The following TNC variants were observed in gnomAD, a reference collection of about 807,000 sequenced individuals.
The protein encoded by TNC is tenascin C.
TNC carries 109 observed loss-of-function variants against 202.4 expected under a neutral mutation model. That is an observed-to-expected ratio of 0.54 (90% CI 0.46 to 0.63). TNC has a LOEUF of 0.63. Among genes scored for constraint, TNC ranks in the 30% least tolerant of loss-of-function variants. The pLI is 0.00. For synonymous variants in TNC, 1,007 were observed against 1,089.7 expected, an observed-to-expected ratio of 0.92 and a Z score of 1.50; for missense variants, 2,756 against 2,833.3, an observed-to-expected ratio of 0.97 and a Z score of 0.62.
intron 22 of TNC, among the ~76,000 whole-genome samples, chr9:115,033,172 C>A (rs140740540): frequency 6.6e-6 from 1 of 152,160 alleles, no homozygotes; most frequent in Non-Finnish European, 1.5e-5. Context: ...ATCTTGCATG[C>A]GGGTTTCCCA....
chr9:115,024,894 A>C (rs7035322), intron 26 of TNC, among the ~76,000 whole-genome samples: 107,653 of 152,142 alleles, frequency 0.71, 38,456 homozygotes, highest in Middle Eastern at 0.76. Context: ...CCCAATCCAG[A>C]CAAGTGCTGT....
At position 115,057,277 on chromosome 9, in the gene TNC, A is replaced by G. The variant is rs756213725; in HGVS notation, c.4455T>C (p.Asn1485=). The G allele has an allele frequency of 3.1e-6, 5 of 1,614,198 alleles. No individual in the cohort carries two copies. The highest frequency in any genetic ancestry group is 4.2e-6 in the Non-Finnish European group (5 of 1,180,038). ...GGGCAGTTCGTTCAGCACCAGAGAT[A>G]TTATATTCCACAGTCTCCAGCAACC... ...SNRLLETVEY[N]ISGAERTAHI... Residue 1485 remains asparagine (N), a synonymous_variant, in exon 15 of 28, where the codon AAT becomes AAC. Transcript: ENST00000350763.
intron 15 of TNC, among the ~76,000 whole-genome samples, chr9:115,053,717 A>G (rs1186432413): frequency 6.6e-6 from 1 of 152,236 alleles, no homozygotes; most frequent in African/African-American, 2.4e-5. Context: ...TAATACCCAT[A>G]CAAGAGAAAT....
At chr9:115,040,906 A>AACAG (rs1830678211) in intron 19 of TNC, 35 bp downstream of exon 19, 2 of 1,478,178 alleles carry the variant, frequency 1.4e-6, no homozygotes, top group Non-Finnish European at 1.8e-6. Context: ...GAAAAATAGT[A>AACAG]ACACACACAC....
At position 115,086,556 on chromosome 9, in the gene TNC, C is replaced by T; in HGVS notation, c.1175G>A (p.Cys392Tyr). The part of the protein sequence containing the change: ...HNRGRCVDGR[C>Y]ECDDGFTGAD... ...TCCAGTGAAACCATCATCACACTCA[C>T]ACCGCCCGTCTACACAGCGGCCACG... is the stretch of plus-strand genomic sequence containing the variant. The change falls in exon 3 of 28, where the codon TGT becomes TAT. Residue 392 changes from cysteine (C) to tyrosine (Y), a missense_variant. By Grantham distance (194) the Cys-to-Tyr change is radical (BLOSUM62 -2). This residue lies in a region of TNC where 2,559 missense variants were observed against 2,546.0 expected (regional missense o/e 1.01). Transcript: ENST00000350763. 6.2e-7 allele frequency: 1 copy of T among 1,614,086 alleles called. No homozygotes were observed. The highest frequency in any genetic ancestry group is 8.5e-7 in the Non-Finnish European group (1 of 1,180,040).
chr9:115,053,452 G>A (rs145182122), intron 15 of TNC, among the ~76,000 whole-genome samples: 82 of 152,320 alleles, frequency 5.4e-4, no homozygotes, highest in African/African-American at 1.8e-3. Context: ...CGAATATTAT[G>A]TCTTACCATA....
intron 27 of TNC, among the ~76,000 whole-genome samples, chr9:115,022,645 A>G (rs1829167000): frequency 6.6e-6 from 1 of 152,118 alleles, no homozygotes; most frequent in Non-Finnish European, 1.5e-5. Context: ...AAGATGATAA[A>G]ATAATGCTCA....
At chr9:115,035,081 T>TG (rs1830216054) in intron 22 of TNC, 123 bp downstream of exon 22, 1 of 939,558 alleles carries the variant, frequency 1.1e-6, no homozygotes, top group Non-Finnish European at 1.4e-6. Context: ...TCTCTACTAA[T>TG]TTTTTTTTTC....
chr9:115,111,408 T>C lies in TNC; in HGVS notation c.-137+6574A>G, dbSNP rs1032251744. ...CTTTCTCTCTCTCTCTCTTTTTTTT[T>C]TTTTTTTTTTTTTTTTTGAGATGGA... On this transcript the variant is annotated intron_variant, in intron 1 of 27. Coordinates refer to ENST00000350763, the MANE Select transcript of TNC (RefSeq NM_002160.4). 1.1e-3 allele frequency among the ~76,000 whole-genome samples: 144 copies of C among 125,434 alleles called. 1 individual carries two copies. The highest frequency in any genetic ancestry group is 2.2e-3 in the Non-Finnish European group (133 of 59,428). The allele number at this position is 125,434 out of a possible 152,430, so 82.3% of individuals were successfully genotyped here.
chr9:115,059,311 C>T (rs1832367045), intron 14 of TNC, among the ~76,000 whole-genome samples: 1 of 152,108 alleles, frequency 6.6e-6, no homozygotes, highest in African/African-American at 2.4e-5. Context: ...TAGAAAAGCA[C>T]CATTTCCAAC....
Position 115,086,790 on chromosome 9 carries a change from A to G in TNC, c.941T>C (p.Ile314Thr). The G allele has an allele frequency of 6.2e-7, 1 of 1,613,954 alleles. No individual in the cohort carries two copies. Among genetic ancestry groups the G allele is most frequent in the Non-Finnish European group, 8.5e-7 (1 of 1,179,988 alleles). ...GFTGEDCSEL[I>T]CPNDCFDRGR... ...CCGGTCGAAGCAGTCATTGGGGCAG[A>G]TGAGCTCACTGCAGTCTTCGCCCGT... Residue 314 changes from isoleucine to threonine, a missense_variant, in exon 3 of 28, where the codon ATC becomes ACC. By Grantham distance (89) the Ile-to-Thr change is moderately conservative. Transcript: ENST00000350763.
chr9:115,036,072 G>A (rs1242925302), intron 21 of TNC, 26 bp downstream of exon 21: 3 of 1,613,718 alleles, frequency 1.9e-6, no homozygotes, highest in Middle Eastern at 1.7e-4. Flanking sequence ...AGAAGGGAGA[G>A]CTTCCAGCTC....
At chr9:115,092,740 A>AT (rs1706751865) in intron 1 of TNC, among the ~76,000 whole-genome samples, 1 of 121,280 alleles carries the variant, frequency 8.2e-6, no homozygotes, top group Non-Finnish European at 1.7e-5. Context: ...TGCCTGGCTG[A>AT]TTTTTTGTAT....
Position 115,094,817 on chromosome 9 carries a change from CTGTGTG to C in TNC, c.-136-3669_-136-3664del, listed in dbSNP as rs1166113704. Among the ~76,000 whole-genome samples, 203 of 29,864 alleles carry C rather than the reference CTGTGTG, an allele frequency of 6.8e-3. 2 individuals are homozygous for C. The highest frequency in any genetic ancestry group is 0.018 in the African/African-American group (185 of 10,230). The allele number at this position is 29,864 out of a possible 152,430, so 19.6% of individuals were successfully genotyped here. A position where few individuals can be genotyped will look rare whatever the true frequency, so the allele number is the denominator to read the frequency against. On this transcript the variant is annotated intron_variant, in intron 1 of 27. Transcript: ENST00000350763. ...GCCCCTAAGGACAGAACAAGTGCCT[CTGTGTG>C]TGTGTGTGTGTGTGTGTGTGTGTGT...
At chr9:115,053,257 T>C (rs1050601971) in intron 15 of TNC, among the ~76,000 whole-genome samples, 3 of 152,230 alleles carry the variant, frequency 2.0e-5, no homozygotes, top group Non-Finnish European at 4.4e-5. Context: ...TGTGTTCTTT[T>C]AAAGCATAAA....
chr9:115,078,734 G>A (rs969382180), intron 6 of TNC, among the ~76,000 whole-genome samples: 3 of 152,122 alleles, frequency 2.0e-5, no homozygotes, highest in Non-Finnish European at 4.4e-5. Flanking sequence ...AAGAATTCAC[G>A]CAAGAAAGTC....
chr9:115,112,094 G>A (rs148480758), intron 1 of TNC, among the ~76,000 whole-genome samples: 33 of 152,158 alleles, frequency 2.2e-4, no homozygotes, highest in African/African-American at 7.2e-4. Flanking sequence ...GGCTCGGTCC[G>A]TGTGAGTTAA....
At chr9:115,029,106 G>A (rs1027191262) in intron 25 of TNC, among the ~76,000 whole-genome samples, 1 of 148,110 alleles carries the variant, frequency 6.8e-6, no homozygotes, top group African/African-American at 2.5e-5. Flanking sequence ...TTTTCTGGGC[G>A]TGTCCTTAAC....
chr9:115,079,992 G>A (rs951149019), intron 6 of TNC, among the ~76,000 whole-genome samples: 19 of 152,172 alleles, frequency 1.2e-4, no homozygotes, highest in African/African-American at 4.1e-4. Context: ...CGGCCGTGGC[G>A]GCTCATGCCT....
Sources: allele counts gnomAD v4.1 joint callset (sites outside exome capture counted in the v4.1 genomes callset), GRCh38; gene constraint gnomAD v4.1.1; regional missense constraint gnomAD v4.1.1; transcripts MANE v1.5; gene names NCBI Gene and HGNC (gene_info 2026-07-23, HGNC 2026-07-21).